The following RAPGEF5 variants were observed in gnomAD, a reference collection of about 807,000 sequenced individuals.
RAPGEF5 encodes the protein M-Ras-regulated GEF.
RAPGEF5 carries 65 observed loss-of-function variants against 125.2 expected under a neutral mutation model. The ratio of observed to expected loss-of-function variants is 0.52; its 90% CI spans 0.43 to 0.64. RAPGEF5 has a LOEUF of 0.64. Among genes scored for constraint, RAPGEF5 ranks in the 30% least tolerant of loss-of-function variants. The pLI, the probability that RAPGEF5 is intolerant of heterozygous loss-of-function variation, is 0.00. For missense variants in RAPGEF5, 958 were observed against 1,048.1 expected, an observed-to-expected ratio of 0.91 and a Z score of 1.19; for synonymous variants, 391 against 385.9, an observed-to-expected ratio of 1.01 and a Z score of -0.16.
At chr7:22,235,079 CCA>C (rs987289805) in intron 7 of RAPGEF5, among the ~76,000 whole-genome samples, 5 of 152,190 alleles carry the variant, frequency 3.3e-5, no homozygotes, top group Non-Finnish European at 7.4e-5. Context: ...CAAACCAACC[CCA>C]AAGATGACTA....
At chr7:22,140,598 A>C (rs1032797928) in intron 20 of RAPGEF5, among the ~76,000 whole-genome samples, 16 of 152,152 alleles carry the variant, frequency 1.1e-4, no homozygotes, top group Non-Finnish European at 2.4e-4. Flanking sequence ...AGCTACTATA[A>C]TATGTATATA....
At chr7:22,129,977 C>A (rs1398592285) in intron 24 of RAPGEF5, among the ~76,000 whole-genome samples, 1 of 152,160 alleles carries the variant, frequency 6.6e-6, no homozygotes, top group African/African-American at 2.4e-5. Flanking sequence ...CAAGCCTCAG[C>A]AGGACTCATC....
chr7:22,306,587 C>T (rs1783347486), intron 5 of RAPGEF5, among the ~76,000 whole-genome samples: 1 of 152,118 alleles, frequency 6.6e-6, no homozygotes, highest in Admixed American at 6.6e-5. Context: ...TCCCATTTGT[C>T]CATTTTTGCA....
intron 5 of RAPGEF5, among the ~76,000 whole-genome samples, chr7:22,305,162 C>G (rs965744834): frequency 6.6e-6 from 1 of 152,166 alleles, no homozygotes; most frequent in Admixed American, 6.5e-5. Context: ...ACGGGTTACC[C>G]GATCTCTGTA....
chr7:22,301,951 C>T (rs1783215965), intron 5 of RAPGEF5, among the ~76,000 whole-genome samples: 2 of 152,274 alleles, frequency 1.3e-5, no homozygotes, highest in South Asian at 4.1e-4. Context: ...GAACTGAGCT[C>T]AACCCCTGTT....
chr7:22,245,677 C>T (rs1158276529), intron 7 of RAPGEF5, among the ~76,000 whole-genome samples: 1 of 152,008 alleles, frequency 6.6e-6, no homozygotes, highest in Non-Finnish European at 1.5e-5. Flanking sequence ...AAACCATAGG[C>T]TACTTCAACT....
At chr7:22,356,648 C>A in intron 1 of RAPGEF5, 182 bp downstream of exon 1, 1 of 227,048 alleles carries the variant, frequency 4.4e-6, no homozygotes, top group East Asian at 9.5e-5. Flanking sequence ...GGGAAGCCGT[C>A]GCTCAGGGGG....
intron 9 of RAPGEF5, among the ~76,000 whole-genome samples, chr7:22,205,373 G>C (rs1785375165): frequency 1.3e-5 from 2 of 152,122 alleles, no homozygotes; most frequent in African/African-American, 4.8e-5. Flanking sequence ...TCCTGAAGCT[G>C]GTAAAACTTT....
chr7:22,187,285 G>A (rs1784853855), intron 11 of RAPGEF5, among the ~76,000 whole-genome samples: 1 of 152,008 alleles, frequency 6.6e-6, no homozygotes, highest in Non-Finnish European at 1.5e-5. Context: ...TTGAATCAAA[G>A]GGTTTTAGTG....
chr7:22,266,189 A>AT (rs1459775166), intron 7 of RAPGEF5, among the ~76,000 whole-genome samples: 1 of 151,938 alleles, frequency 6.6e-6, no homozygotes, highest in Non-Finnish European at 1.5e-5. Flanking sequence ...CATCACTTTG[A>AT]TTTTGTCATA....
chr7:22,151,397 G>A (rs1160167637), intron 17 of RAPGEF5, among the ~76,000 whole-genome samples: 2 of 150,160 alleles, frequency 1.3e-5, no homozygotes, highest in African/African-American at 4.9e-5. Flanking sequence ...AAAAAAGAAA[G>A]ACAATATATT....
chr7:22,137,622 A>AT (rs1456208735), intron 21 of RAPGEF5, among the ~76,000 whole-genome samples: 1 of 152,210 alleles, frequency 6.6e-6, no homozygotes, highest in African/African-American at 2.4e-5. Flanking sequence ...GCCTTTCAAT[A>AT]TTGACTTAGT....
At chr7:22,261,550 T>C (rs1319165932) in intron 7 of RAPGEF5, among the ~76,000 whole-genome samples, 2 of 152,180 alleles carry the variant, frequency 1.3e-5, no homozygotes, top group African/African-American at 2.4e-5. Flanking sequence ...AGGTCAAAGC[T>C]GCAGTGAGCA....
intron 11 of RAPGEF5, among the ~76,000 whole-genome samples, chr7:22,173,151 GGAAT>G (rs560950440): frequency 2.8e-4 from 43 of 152,206 alleles, no homozygotes; most frequent in African/African-American, 9.9e-4. Context: ...TTCTGGTCCT[GGAAT>G]GTTACAACTT....
rs113273901 is a variant in RAPGEF5 at position 22,246,606 on chromosome 7, G to A, written c.797-15687C>T. Among the ~76,000 whole-genome samples the A allele has an allele frequency of 2.3e-3, 349 of 152,108 alleles. 3 individuals carry two copies. Among genetic ancestry groups the A allele is most frequent in the African/African-American group, 7.7e-3 (320 of 41,520 alleles). ...TTGATTAAAGATTTAAATGTAAGACGTCAAACTATAAGAATACTAGAAGAA... is the reference window on the plus strand; with the variant it reads ...TTGATTAAAGATTTAAATGTAAGACATCAAACTATAAGAATACTAGAAGAA... On this transcript the variant is annotated intron_variant, in intron 7 of 25. Transcript: ENST00000665637.
intron 11 of RAPGEF5, chr7:22,192,743 C>G (rs1785034107): frequency 6.6e-6 from 1 of 152,384 alleles, no homozygotes; most frequent in Non-Finnish European, 1.5e-5. Flanking sequence ...GGTGAAAAAG[C>G]AAAATGAGTG....
At chr7:22,159,374 A>G (rs1201425238) in intron 14 of RAPGEF5, among the ~76,000 whole-genome samples, 2 of 152,240 alleles carry the variant, frequency 1.3e-5, no homozygotes, top group Non-Finnish European at 2.9e-5. Context: ...TTAATTTGCA[A>G]TGAGGTCTCC....
rs138336915 is a variant in RAPGEF5 at position 22,181,584 on chromosome 7, T to C, written c.1204+11783A>G. Reference sequence around the variant, plus strand: ...GGCTACAGAATTGTTCTGAAAATTATTTTCTGTCACTATTTAGATTATGAC... The same window carrying C: ...GGCTACAGAATTGTTCTGAAAATTACTTTCTGTCACTATTTAGATTATGAC... On this transcript the variant is annotated intron_variant, in intron 11 of 25. Coordinates refer to ENST00000665637, the MANE Select transcript of RAPGEF5 (RefSeq NM_012294.5). 6.6e-5 allele frequency among the ~76,000 whole-genome samples: 10 copies of C among 152,324 alleles called. No individual in the cohort carries two copies. In the East Asian group the frequency reaches 1.5e-3, roughly 23 times the overall value.
intron 7 of RAPGEF5, among the ~76,000 whole-genome samples, chr7:22,257,995 T>C (rs374117127): frequency 2.0e-5 from 3 of 152,162 alleles, no homozygotes; most frequent in Non-Finnish European, 4.4e-5. Flanking sequence ...TTGGTAAACA[T>C]AGACAAAACA....
Sources: gnomAD v4.1 joint callset for allele counts (sites outside exome capture counted in the v4.1 genomes callset) on GRCh38, gnomAD v4.1.1 for gene constraint, MANE v1.5 for transcripts, NCBI Gene and HGNC (gene_info 2026-07-23, HGNC 2026-07-21) for gene names.